STK38L: variants seen among roughly 807,000 people sequenced by gnomAD.
STK38L encodes the protein serine/threonine-protein kinase 38-like.
Under a neutral mutation model 59.7 loss-of-function variants are expected in STK38L, and 28 were observed. The ratio of observed to expected loss-of-function variants is 0.47; its 90% CI spans 0.35 to 0.64. The LOEUF (loss-of-function observed/expected upper bound fraction) is 0.64. STK38L is among the 30% of genes least tolerant of loss of function. STK38L has a pLI of 0.01. For missense variants in STK38L, 314 were observed against 555.8 expected (o/e 0.56, Z 4.37); for synonymous variants, 162 against 176.8 (o/e 0.92, Z 0.66).
chr12:27,261,425 CTTTG>C (rs1018710864), intron 1 of STK38L, among the ~76,000 whole-genome samples: 1 of 152,182 alleles, frequency 6.6e-6, no homozygotes, highest in Non-Finnish European at 1.5e-5. Context: ...AGTTTTCTTT[CTTTG>C]TTTAATACCC....
At chr12:27,315,889 T>C (rs1324927808) in intron 9 of STK38L, among the ~76,000 whole-genome samples, 2 of 152,236 alleles carry the variant, frequency 1.3e-5, no homozygotes, top group Non-Finnish European at 2.9e-5. Flanking sequence ...TTTAACCCCA[T>C]ACTATTTCCT....
At chr12:27,260,540 C>T (rs1943183552) in intron 1 of STK38L, among the ~76,000 whole-genome samples, 1 of 152,146 alleles carries the variant, frequency 6.6e-6, no homozygotes, top group Non-Finnish European at 1.5e-5. Flanking sequence ...TTTCTTACCA[C>T]TCCCCCTCAC....
chr12:27,284,685 T>A (rs1222501781), intron 1 of STK38L, among the ~76,000 whole-genome samples: 1 of 152,204 alleles, frequency 6.6e-6, no homozygotes, highest in Non-Finnish European at 1.5e-5. Context: ...TTTAGGTATT[T>A]TTCCCCTCTC....
intron 1 of STK38L, among the ~76,000 whole-genome samples, chr12:27,295,517 T>A (rs1943996939): frequency 1.3e-5 from 2 of 152,230 alleles, no homozygotes; most frequent in Non-Finnish European, 2.9e-5. Context: ...TACTATTGGC[T>A]AATTCTTTCA....
intron 1 of STK38L, among the ~76,000 whole-genome samples, chr12:27,274,302 G>C (rs1334253975): frequency 6.6e-6 from 1 of 151,774 alleles, no homozygotes; most frequent in Admixed American, 6.6e-5. Context: ...AAGAAAAAAG[G>C]GTGTCCTGTT....
At chr12:27,316,386 G>A (rs1944584596) in intron 9 of STK38L, among the ~76,000 whole-genome samples, 1 of 152,138 alleles carries the variant, frequency 6.6e-6, no homozygotes, top group African/African-American at 2.4e-5. Flanking sequence ...AAATTATGGT[G>A]GGGGAATTCT....
chr12:27,248,248 G>T (rs539539993), intron 1 of STK38L, among the ~76,000 whole-genome samples: 1 of 152,176 alleles, frequency 6.6e-6, no homozygotes, highest in African/African-American at 2.4e-5. Flanking sequence ...GCTTATAATG[G>T]CAGAAACAGG....
In STK38L at chr12:27,258,782, C is replaced by CT. The variant is rs1201454988; in HGVS notation, c.-12+14457dup. On this transcript the variant is annotated intron_variant, in intron 1 of 13. Coordinates refer to ENST00000389032, the MANE Select transcript of STK38L (RefSeq NM_015000.4). The stretch of plus-strand genomic sequence containing the variant: ...TTGTTTTAGATCTGACTCTGCTCTC[C>CT]TTTTTTTCATTATTCTCTCCAGGCT... Among the ~76,000 whole-genome samples the CT allele has an allele frequency of 3.3e-5, 5 of 152,186 alleles. No homozygotes were observed. In the East Asian group the frequency reaches 9.6e-4, roughly 29 times the overall value.
intron 1 of STK38L, among the ~76,000 whole-genome samples, chr12:27,292,705 C>G (rs188921756): frequency 3.8e-4 from 58 of 152,200 alleles, no homozygotes; most frequent in Non-Finnish European, 6.9e-4. Flanking sequence ...GGTTTTTAAA[C>G]AAGACATACA....
At chr12:27,296,794 G>A (rs960314332) in intron 1 of STK38L, among the ~76,000 whole-genome samples, 3 of 152,188 alleles carry the variant, frequency 2.0e-5, no homozygotes, top group African/African-American at 7.2e-5. Flanking sequence ...GCCACCTGCC[G>A]CAGCCATCGG....
chr12:27,312,462 C>G, intron 5 of STK38L, 87 bp from the exon 6 acceptor site: 2 of 1,388,668 alleles, frequency 1.4e-6, no homozygotes, highest in East Asian at 2.3e-5. Context: ...CCTTCATTAA[C>G]TGTTATGGAT....
intron 1 of STK38L, among the ~76,000 whole-genome samples, chr12:27,261,166 T>C (rs2029094): frequency 0.4 from 60,209 of 151,984 alleles, 12,097 homozygotes; most frequent in Admixed American, 0.47. Flanking sequence ...TCTTTTCCTA[T>C]TTGAGAGGTG....
chr12:27,309,008 T>C, intron 4 of STK38L, 106 bp from the exon 5 acceptor site: 1 of 330,918 alleles, frequency 3.0e-6, no homozygotes. Flanking sequence ...ATAAAATTCC[T>C]GAAATACCAA....
At position 27,258,551 on chromosome 12, in the gene STK38L, A is replaced by G. The variant is rs1007822812; in HGVS notation, c.-12+14219A>G. ...ACCATGTTGGCAAGGCTGGTCTCGAACTCCTGACCTCAGGTGATGTGCCCG... is the reference window on the plus strand; with the variant it reads ...ACCATGTTGGCAAGGCTGGTCTCGAGCTCCTGACCTCAGGTGATGTGCCCG... On this transcript the variant is annotated intron_variant, in intron 1 of 13. Coordinates refer to ENST00000389032, the MANE Select transcript of STK38L (RefSeq NM_015000.4). 4.6e-5 allele frequency among the ~76,000 whole-genome samples: 7 copies of G among 152,194 alleles called. No individual in the cohort carries two copies. The East Asian group carries it at 9.7e-4, about 21-fold the overall frequency.
chr12:27,320,780 ATTTTT>A (rs71437393), intron 12 of STK38L, among the ~76,000 whole-genome samples: 1 of 130,058 alleles, frequency 7.7e-6, no homozygotes, highest in Non-Finnish European at 1.7e-5. Context: ...GCAGCTAGTA[ATTTTT>A]TTTTTTTTTT....
intron 1 of STK38L, among the ~76,000 whole-genome samples, chr12:27,263,365 C>T (rs1963512): frequency 0.65 from 98,507 of 151,968 alleles, 33,102 homozygotes; most frequent in Non-Finnish European, 0.75. Flanking sequence ...TATTTTATTA[C>T]ACTTCTCTTT....
intron 1 of STK38L, among the ~76,000 whole-genome samples, chr12:27,269,048 A>AT (rs1443319742): frequency 9.9e-5 from 15 of 151,982 alleles, no homozygotes; most frequent in Admixed American, 3.3e-4. Flanking sequence ...GATTGCAAAA[A>AT]TTTTTTCCCA....
chr12:27,285,866 G>T (rs1156346266), intron 1 of STK38L, among the ~76,000 whole-genome samples: 2 of 152,124 alleles, frequency 1.3e-5, no homozygotes, highest in Admixed American at 1.3e-4. Flanking sequence ...TCTTAAATAA[G>T]ACTTGAAGAT....
Position 27,308,432 on chromosome 12 carries a change from A to G in STK38L, c.280A>G (p.Lys94Glu). The change falls in exon 4 of 14, where the codon AAA (lysine) becomes GAA (glutamate). Residue 94 changes from lysine to glutamate, a missense_variant. Transcript: ENST00000389032. The surrounding 1 kb of genome is among the most constrained non-coding windows in gnomAD (Gnocchi z 4.5). ...RLGLDDFESL[K>E]VIGRGAFGEV... is the part of the protein sequence containing the mutation. The stretch of plus-strand genomic sequence containing the variant: ...TGGCTTGGATGACTTTGAGTCTCTG[A>G]AAGTTATAGGAAGAGGAGCTTTTGG... The G allele has an allele frequency of 6.3e-7, 1 of 1,596,930 alleles. No individual in the cohort carries two copies. Among genetic ancestry groups the G allele is most frequent in the Non-Finnish European group, 8.5e-7 (1 of 1,170,290 alleles).
Sources: allele counts gnomAD v4.1 joint callset (sites outside exome capture counted in the v4.1 genomes callset), GRCh38; gene constraint gnomAD v4.1.1; non-coding constraint Gnocchi (gnomAD v3.1); transcripts MANE v1.5; gene names NCBI Gene and HGNC (gene_info 2026-07-23, HGNC 2026-07-21).